The following MMS19 variants were observed in gnomAD, a reference collection of about 807,000 sequenced individuals.
MMS19 encodes the protein MMS19 nucleotide excision repair protein homolog.
Under a neutral mutation model 129.8 loss-of-function variants are expected in MMS19, and 77 were observed. That is an observed-to-expected ratio of 0.59 (90% CI 0.49 to 0.72). MMS19 has a LOEUF of 0.72. MMS19 is among the 30% of genes least tolerant of loss of function. The pLI is 0.00. For missense variants in MMS19, 1,168 were observed against 1,266.3 expected (o/e 0.92, Z 1.18); for synonymous variants, 491 against 502.8 (o/e 0.98, Z 0.31).
chr10:97,480,888 G>A (rs769394477), intron 3 of MMS19, 54 bp downstream of exon 3: 1 of 1,281,482 alleles, frequency 7.8e-7, no homozygotes, highest in African/African-American at 1.5e-5. Flanking sequence ...GAATAGACAT[G>A]GGAGACCTGG....
intron 8 of MMS19, among the ~76,000 whole-genome samples, chr10:97,474,790 G>C (rs567499869): frequency 6.6e-6 from 1 of 152,288 alleles, no homozygotes; most frequent in Admixed American, 6.5e-5. Flanking sequence ...TTATCTCTGT[G>C]AAAATAAACA....
Position 97,468,233 on chromosome 10 carries a change from A to G in MMS19, c.1218+19T>C. 2 of 1,528,204 alleles carry G rather than the reference A, an allele frequency of 1.3e-6. No homozygotes were observed. The highest frequency in any genetic ancestry group is 1.8e-6 in the Non-Finnish European group (2 of 1,130,182). The allele number at this position is 1,528,204 out of a possible 1,614,324, so 94.7% of individuals were successfully genotyped here. On this transcript the variant is annotated intron_variant, in intron 13 of 30. Transcript: ENST00000438925. Reference sequence around the variant, plus strand: ...GCACACAGGTCCCATCATTTCCCCCAAAGATTCTGCTCCCTTACCTGACTG... The same window carrying G: ...GCACACAGGTCCCATCATTTCCCCCGAAGATTCTGCTCCCTTACCTGACTG...
chr10:97,481,040 G>A lies in MMS19; in HGVS notation c.164C>T (p.Ser55Phe), dbSNP rs1288658320. The A allele has an allele frequency of 1.3e-6, 2 of 1,576,294 alleles. No individual in the cohort carries two copies. Among genetic ancestry groups the A allele is most frequent in the Non-Finnish European group, 1.7e-6 (2 of 1,150,094 alleles). Residue 55 changes from serine (S) to phenylalanine (F), a missense_variant and splice_region_variant, in exon 3 of 31, where the codon TCC becomes TTC. Coordinates refer to ENST00000438925, the MANE Select transcript of MMS19 (RefSeq NM_022362.5). ...TCGGGGTTCTGGATTCTCTAGAGAG[G>A]ACCTAGGGGAAAACAGGATAGAGAG... ...TVLQVVEALG[S>F]SLENPEPRTR...
intron 23 of MMS19, chr10:97,461,208 G>C: frequency 1.6e-6 from 1 of 607,510 alleles, no homozygotes; most frequent in South Asian, 2.1e-5. Flanking sequence ...TTTGAAAAGA[G>C]AGGGTCATCT....
chr10:97,498,261 C>G lies in MMS19; in HGVS notation c.112+12G>C. On this transcript the variant is annotated intron_variant, in intron 1 of 30. Transcript: ENST00000438925. Reference sequence around the variant, plus strand: ...CCCCCATGCGGAAGGCGCGCGGCGCCGTCTGCCGTACCTGCAGCCACCTGG... The same window carrying G: ...CCCCCATGCGGAAGGCGCGCGGCGCGGTCTGCCGTACCTGCAGCCACCTGG... 1 of 1,543,364 alleles carries G rather than the reference C, an allele frequency of 6.5e-7. No individual in the cohort carries two copies. The highest frequency in any genetic ancestry group is 8.7e-7 in the Non-Finnish European group (1 of 1,152,992).
intron 29 of MMS19, 96 bp from the exon 30 acceptor site, chr10:97,458,996 A>C: frequency 1.6e-6 from 2 of 1,267,080 alleles, no homozygotes; most frequent in Non-Finnish European, 2.2e-6. Context: ...GAGGAAAGCA[A>C]AACATCTTTA....
In MMS19 at chr10:97,476,968, G is replaced by A. The variant is rs2035890298; in HGVS notation, c.494-5C>T. The A allele has an allele frequency of 4.3e-6, 7 of 1,613,772 alleles. No individual in the cohort carries two copies. The East Asian group carries it at 1.3e-4, about 31-fold the overall frequency. Reference sequence around the variant, plus strand: ...CAGCTCCTAGGCTCTTTAGCTCTGGGAAGGAGAGAATAAGGTTACTATACT... The same window carrying A: ...CAGCTCCTAGGCTCTTTAGCTCTGGAAAGGAGAGAATAAGGTTACTATACT... On this transcript the variant is annotated splice_polypyrimidine_tract_variant and splice_region_variant and intron_variant, in intron 6 of 30. Transcript: ENST00000438925.
At chr10:97,467,422 C>T in intron 14 of MMS19, 83 bp downstream of exon 14, 2 of 1,052,638 alleles carry the variant, frequency 1.9e-6, no homozygotes, top group South Asian at 2.7e-5. Context: ...GACTACTTTT[C>T]CACAGCACTC....
chr10:97,498,319 G>A lies in MMS19; in HGVS notation c.66C>T (p.Asp22=). The part of the protein sequence containing the change: ...PMGALWGLVH[D]FVVGQQEGPA... ...GGCCCTCTTGCTGACCCACGACGAA[G>A]TCGTGCACGAGGCCCCATAGGGCAC... Residue 22 remains aspartate (D), a synonymous_variant, in exon 1 of 31, where the codon GAC becomes GAT. Coordinates refer to ENST00000438925, the MANE Select transcript of MMS19 (RefSeq NM_022362.5). 3.2e-6 allele frequency: 5 copies of A among 1,574,626 alleles called. No homozygotes were observed. The highest frequency in any genetic ancestry group is 4.3e-6 in the Non-Finnish European group (5 of 1,167,326).
At chr10:97,478,475 G>A in intron 3 of MMS19, 86 bp from the exon 4 acceptor site, 1 of 964,202 alleles carries the variant, frequency 1.0e-6, no homozygotes, top group Non-Finnish European at 1.6e-6. Context: ...TATAACAGTT[G>A]TTTCTGTTTG....
At position 97,462,569 on chromosome 10, in the gene MMS19, A is replaced by G; in HGVS notation, c.2012+14T>C. 6.2e-7 allele frequency: 1 copy of G among 1,600,630 alleles called. No homozygotes were observed. Among genetic ancestry groups the G allele is most frequent in the Non-Finnish European group, 8.6e-7 (1 of 1,167,744 alleles). On this transcript the variant is annotated intron_variant, in intron 20 of 30. Transcript: ENST00000438925. ...TTCTCCCTGGGTTCAAGCCACATCCATGATTATACTTACTCAGGGCTCAGG... is the reference window on the plus strand; with the variant it reads ...TTCTCCCTGGGTTCAAGCCACATCCGTGATTATACTTACTCAGGGCTCAGG...
intron 8 of MMS19, among the ~76,000 whole-genome samples, chr10:97,471,273 T>C (rs2034633577): frequency 6.6e-6 from 1 of 152,194 alleles, no homozygotes; most frequent in Admixed American, 6.5e-5. Context: ...TATTATTCTT[T>C]CATAGCATTA....
intron 1 of MMS19, among the ~76,000 whole-genome samples, chr10:97,495,363 G>C (rs1217948468): frequency 1.3e-5 from 2 of 152,182 alleles, no homozygotes; most frequent in African/African-American, 4.8e-5. Flanking sequence ...CAGGAACCCA[G>C]GTACAAAACA....
rs1268325518 is a variant in MMS19 at position 97,498,216 on chromosome 10, A to AG, written c.112+56dup. 5 of 1,480,390 alleles carry AG rather than the reference A, an allele frequency of 3.4e-6. No individual in the cohort carries two copies. The African/African-American group carries it at 7.1e-5, about 21-fold the overall frequency. The allele number at this position is 1,480,390 out of a possible 1,614,324, so 91.7% of individuals were successfully genotyped here. A position where few individuals can be genotyped will look rare whatever the true frequency, so the allele number is the denominator to read the frequency against. On this transcript the variant is annotated intron_variant, in intron 1 of 30. Coordinates refer to ENST00000438925, the MANE Select transcript of MMS19 (RefSeq NM_022362.5). ...CCCTTCCCGCCCGGCGCCTGTACTG[A>AG]GGCCGCTCCCTCCTGTTGGCCCCCA...
intron 6 of MMS19, 83 bp downstream of exon 6, chr10:97,477,264 C>T: frequency 2.5e-6 from 4 of 1,608,894 alleles, no homozygotes. Flanking sequence ...TCTATATAAC[C>T]CCAGGTAAAA....
chr10:97,468,391 A>G lies in MMS19; in HGVS notation c.1079T>C (p.Leu360Pro). Residue 360 changes from leucine to proline, a missense_variant, in exon 13 of 31, where the codon CTG (leucine) becomes CCG (proline). Transcript: ENST00000438925. ...SNILQDCRHH[L>P]CEPDMKLVWP... ...CACCAGTTTCATGTCCGGTTCACAC[A>G]GGTGGTGCCTGCAGTCTAGAGAAGC... 1 of 1,608,532 alleles carries G rather than the reference A, an allele frequency of 6.2e-7. No homozygotes were observed. The highest frequency in any genetic ancestry group is 8.5e-7 in the Non-Finnish European group (1 of 1,176,360).
At chr10:97,481,069 C>G in intron 2 of MMS19, 27 bp from the exon 3 acceptor site, 1 of 1,291,564 alleles carries the variant, frequency 7.7e-7, no homozygotes, top group Middle Eastern at 1.9e-4. Context: ...TAGAGAGAAC[C>G]TGCAATTACC....
At position 97,461,437 on chromosome 10, in the gene MMS19, T is replaced by A; in HGVS notation, c.2311+59A>T. The A allele has an allele frequency of 1.9e-6, 3 of 1,575,282 alleles. No individual in the cohort carries two copies. In the Admixed American group the frequency reaches 5.4e-5, roughly 28 times the overall value. On this transcript the variant is annotated intron_variant, in intron 23 of 30. Coordinates refer to ENST00000438925, the MANE Select transcript of MMS19 (RefSeq NM_022362.5). ...TTTAAAAAGAGAATGAGTACTGAGC[T>A]ATAAGATTTCATGGGTAGTTGATTC...
At chr10:97,468,109 G>GT (rs2033915494) in intron 13 of MMS19, 143 bp downstream of exon 13, 1 of 655,522 alleles carries the variant, frequency 1.5e-6, no homozygotes, top group South Asian at 3.2e-5. Context: ...GAAAAAGTGA[G>GT]TAAGGGAAGC....
Sources: allele counts gnomAD v4.1 joint callset (sites outside exome capture counted in the v4.1 genomes callset), GRCh38; gene constraint gnomAD v4.1.1; transcripts MANE v1.5; gene names NCBI Gene and HGNC (gene_info 2026-07-23, HGNC 2026-07-21).